The following NCOR1 variants were observed in gnomAD, a reference collection of about 807,000 sequenced individuals.
The protein encoded by NCOR1 is nuclear receptor corepressor 1.
NCOR1 carries 63 observed loss-of-function variants against 288.1 expected under a neutral mutation model. That is an observed-to-expected ratio of 0.22 (90% CI 0.18 to 0.27). The LOEUF is 0.27. Ranked by LOEUF, NCOR1 falls within the 10% of genes least tolerant of loss-of-function variation. The pLI is 1.00. For synonymous variants in NCOR1, 1,007 were observed against 1,065.9 expected (o/e 0.94, Z 1.08); for missense variants, 2,397 against 3,019.2 (o/e 0.79, Z 4.83).
chr17:16,152,012 C>T lies in NCOR1; in HGVS notation c.790-14G>A, dbSNP rs1384853143. On this transcript the variant is annotated splice_polypyrimidine_tract_variant and intron_variant, in intron 7 of 45. Transcript: ENST00000268712. ...GTTATACAGTGGCTATAAAAGAAAT[C>T]AAATATTTATGTATAAAATGTTGTA... The T allele has an allele frequency of 3.9e-6, 6 of 1,548,712 alleles. No homozygotes were observed. Among genetic ancestry groups the T allele is most frequent in the Non-Finnish European group, 5.3e-6 (6 of 1,137,890 alleles).
Position 16,031,687 on chromosome 17 carries a change from T to A in NCOR1, c.*609A>T, listed in dbSNP as rs924919306. ...ACCTTTTGACCCTAATGTACAGATT[T>A]TATGACAGGGTCTGTGTTAAAAATC... On this transcript the variant is annotated 3_prime_UTR_variant, in exon 46 of 46. Transcript: ENST00000268712. 6 of 227,922 alleles carry A rather than the reference T, an allele frequency of 2.6e-5. No individual in the cohort carries two copies. Among genetic ancestry groups the A allele is most frequent in the African/African-American group, 1.1e-4 (5 of 45,092 alleles). The allele number at this position is 227,922 out of a possible 1,614,324, so 14.1% of individuals were successfully genotyped here.
chr17:16,083,541 A>G (rs2063731943), intron 23 of NCOR1, among the ~76,000 whole-genome samples: 1 of 152,034 alleles, frequency 6.6e-6, no homozygotes, highest in Non-Finnish European at 1.5e-5. Flanking sequence ...CTATAGATTT[A>G]ATACAATCCC....
At chr17:16,065,914 A>G (rs538620330) in intron 32 of NCOR1, 1 of 547,728 alleles carries the variant, frequency 1.8e-6, no homozygotes, top group African/African-American at 1.9e-5. Context: ...GAAGGATAAC[A>G]GTAGCTAAAA....
chr17:16,102,165 C>T (rs75443358), intron 19 of NCOR1, among the ~76,000 whole-genome samples: 2,204 of 152,300 alleles, frequency 0.014, 60 homozygotes, highest in African/African-American at 0.051. Context: ...TGAACTGACA[C>T]TCTAGAACGG....
intron 23 of NCOR1, among the ~76,000 whole-genome samples, chr17:16,085,268 AAC>A (rs2064042521): frequency 6.6e-6 from 1 of 152,256 alleles, no homozygotes; most frequent in Admixed American, 6.5e-5. Context: ...AAGACTTGAC[AAC>A]AGCAAATGGA....
At chr17:16,127,420 C>CTGT (rs1568200762) in intron 14 of NCOR1, among the ~76,000 whole-genome samples, 1 of 32,714 alleles carries the variant, frequency 3.1e-5, no homozygotes, top group Non-Finnish European at 7.7e-5. Flanking sequence ...TGTATATATA[C>CTGT]ATGTGTATAT....
intron 32 of NCOR1, among the ~76,000 whole-genome samples, chr17:16,066,879 T>C (rs2061179334): frequency 6.6e-6 from 1 of 152,258 alleles, no homozygotes; most frequent in Non-Finnish European, 1.5e-5. Context: ...AATTCTTCTC[T>C]AAGGACCAAA....
chr17:16,186,437 A>G, intron 3 of NCOR1, 117 bp downstream of exon 3: 1 of 1,094,496 alleles, frequency 9.1e-7, no homozygotes, highest in Non-Finnish European at 1.3e-6. Flanking sequence ...CTCAAAATGC[A>G]AACTATAAAT....
intron 6 of NCOR1, among the ~76,000 whole-genome samples, chr17:16,156,970 AAAGAAACATTT>A (rs2079912953): frequency 6.6e-6 from 1 of 152,144 alleles, no homozygotes. Context: ...TCATACTAAA[AAAGAAACATTT>A]TATAAAACTT....
At chr17:16,155,913 G>A (rs2079686278) in intron 6 of NCOR1, among the ~76,000 whole-genome samples, 2 of 152,138 alleles carry the variant, frequency 1.3e-5, no homozygotes, top group South Asian at 4.2e-4. Flanking sequence ...TGGGTTCTAG[G>A]CCCATTGTGC....
At chr17:16,094,551 GCTCCCCTCCCCT>G (rs1425787202) in intron 21 of NCOR1, among the ~76,000 whole-genome samples, 2 of 151,698 alleles carry the variant, frequency 1.3e-5, no homozygotes, top group Admixed American at 1.3e-4. Flanking sequence ...AGTGACTCCG[GCTCCCCTCCCCT>G]CTCCCCTCTC....
chr17:16,080,799 G>T, intron 23 of NCOR1, 72 bp from the exon 24 acceptor site: 2 of 1,385,586 alleles, frequency 1.4e-6, no homozygotes, highest in Non-Finnish European at 2.0e-6. Flanking sequence ...ATTTCACAAA[G>T]TCAGCATTCC....
chr17:16,044,970 TAAC>T, intron 42 of NCOR1: 1 of 537,370 alleles, frequency 1.9e-6, no homozygotes, highest in East Asian at 3.4e-5. Flanking sequence ...AAATTTCTTA[TAAC>T]GTGTTCAATA....
At chr17:16,046,035 A>T (rs1220971575) in intron 42 of NCOR1, among the ~76,000 whole-genome samples, 1 of 151,658 alleles carries the variant, frequency 6.6e-6, no homozygotes, top group Non-Finnish European at 1.5e-5. Flanking sequence ...CTAATCTCGA[A>T]CTCCTGGGCC....
intron 4 of NCOR1, among the ~76,000 whole-genome samples, chr17:16,166,459 T>G (rs1485871704): frequency 1.3e-5 from 2 of 152,114 alleles, no homozygotes; most frequent in Non-Finnish European, 2.9e-5. Flanking sequence ...CGCAGGCAGA[T>G]CACAAGGTCA....
intron 34 of NCOR1, 37 bp downstream of exon 34, chr17:16,064,833 G>C: frequency 3.3e-6 from 5 of 1,501,402 alleles, no homozygotes; most frequent in Non-Finnish European, 4.5e-6. Context: ...TAAACATGAT[G>C]GTTCTATTAG....
At position 16,117,835 on chromosome 17, in the gene NCOR1, AACACTC is replaced by A. The variant is rs2153119678; in HGVS notation, c.2055+47_2055+52del. 1.9e-6 allele frequency: 3 copies of A among 1,569,436 alleles called. No individual in the cohort carries two copies. The East Asian group carries it at 6.8e-5, about 35-fold the overall frequency. ...AGACTCCATCTCAAACAACAACAAC[AACACTC>A]TAAGTAAAAAACAGTAAGTAAAGAG... is the stretch of plus-strand genomic sequence containing the variant. On this transcript the variant is annotated intron_variant, in intron 18 of 45. Transcript: ENST00000268712.
intron 3 of NCOR1, among the ~76,000 whole-genome samples, chr17:16,184,722 CA>C (rs1197816097): frequency 6.6e-6 from 1 of 152,058 alleles, no homozygotes; most frequent in Admixed American, 6.6e-5. Context: ...GATATATACC[CA>C]AGGGAAATGA....
chr17:16,114,160 A>AAAAAAC (rs57690812), intron 18 of NCOR1, among the ~76,000 whole-genome samples: 18,590 of 106,916 alleles, frequency 0.17, 3,181 homozygotes, highest in African/African-American at 0.26. Flanking sequence ...AAAAAAAAAA[A>AAAAAAC]AAAAAAAAAC....
Sources: gnomAD v4.1 joint callset for allele counts (sites outside exome capture counted in the v4.1 genomes callset) on GRCh38, gnomAD v4.1.1 for gene constraint, MANE v1.5 for transcripts, NCBI Gene and HGNC (gene_info 2026-07-23, HGNC 2026-07-21) for gene names.